The following KIAA0586 variants were observed in gnomAD, a reference collection of about 807,000 sequenced individuals.
KIAA0586 encodes the protein protein TALPID3.
KIAA0586 carries 144 observed loss-of-function variants against 169.8 expected under a neutral mutation model. The observed-to-expected ratio is 0.85, with a 90% CI of 0.74 to 0.97. KIAA0586 has a LOEUF of 0.97. KIAA0586 is among the 50% of genes least tolerant of loss of function. The pLI, the probability that KIAA0586 is intolerant of heterozygous loss-of-function variation, is 0.00. For missense variants in KIAA0586, 1,854 were observed against 1,823.0 expected (o/e 1.02, Z -0.31); for synonymous variants, 625 against 612.4 (o/e 1.02, Z -0.30).
At chr14:58,560,033 A>G in the KIAA0586 span, among the ~76,000 whole-genome samples, 1 of 151,754 alleles carries the variant, frequency 6.6e-6, no homozygotes, top group African/African-American at 2.4e-5. Context: ...CGCCTGTAAT[A>G]CCAGCTACTC....
chr14:58,456,341 A>C (rs1448546295), intron 9 of KIAA0586, among the ~76,000 whole-genome samples: 4 of 152,114 alleles, frequency 2.6e-5, no homozygotes, highest in Non-Finnish European at 5.9e-5. Flanking sequence ...CTTGATTTTG[A>C]TGATTTTTGC....
chr14:58,432,128 G>T (rs1315257262), intron 3 of KIAA0586, among the ~76,000 whole-genome samples: 1 of 152,076 alleles, frequency 6.6e-6, no homozygotes, highest in African/African-American at 2.4e-5. Context: ...GTAAGAGTGG[G>T]CATCCTTGTC....
At chr14:58,456,875 G>A (rs1291377214) in intron 10 of KIAA0586, 65 bp downstream of exon 10, 9 of 873,800 alleles carry the variant, frequency 1.0e-5, no homozygotes, top group Non-Finnish European at 1.5e-5. Context: ...GAATAAAAGA[G>A]TTATAAAGAT....
intron 20 of KIAA0586, among the ~76,000 whole-genome samples, chr14:58,479,720 CTTT>C (rs1170246106): frequency 1.3e-5 from 2 of 152,142 alleles, no homozygotes; most frequent in South Asian, 4.1e-4. Flanking sequence ...GGATCAAGTT[CTTT>C]TTTGTTTGGG....
chr14:58,532,195 A>AT (rs59075754), intron 29 of KIAA0586, among the ~76,000 whole-genome samples: 1 of 152,084 alleles, frequency 6.6e-6, no homozygotes, highest in Non-Finnish European at 1.5e-5. Context: ...GAAAAAAAAA[A>AT]GGAAAAAAAA....
intron 16 of KIAA0586, among the ~76,000 whole-genome samples, chr14:58,468,541 A>G (rs1748985): frequency 0.98 from 148,904 of 152,358 alleles, 72,849 homozygotes; most frequent in Non-Finnish European, 1. Flanking sequence ...TAATACTTCA[A>G]ACTTTACACT....
chr14:58,560,470 T>C, the KIAA0586 span, among the ~76,000 whole-genome samples: 2 of 152,218 alleles, frequency 1.3e-5, no homozygotes, highest in African/African-American at 2.4e-5. Flanking sequence ...GATGTCTTAC[T>C]TCACAGGAAA....
At chr14:58,554,900 C>G (rs1359005990), downstream of KIAA0586, among the ~76,000 whole-genome samples, 3 of 152,078 alleles carry the variant, frequency 2.0e-5, no homozygotes, top group Admixed American at 1.3e-4. Context: ...TTCAGCACCT[C>G]CATTTGTTCT....
chr14:58,526,382 G>C (rs2045585335), intron 29 of KIAA0586, among the ~76,000 whole-genome samples: 1 of 152,190 alleles, frequency 6.6e-6, no homozygotes, highest in Non-Finnish European at 1.5e-5. Context: ...AATCTTTGCT[G>C]TTTGGCAGAC....
At chr14:58,476,080 A>G (rs2041598148) in intron 19 of KIAA0586, among the ~76,000 whole-genome samples, 2 of 152,366 alleles carry the variant, frequency 1.3e-5, no homozygotes, top group South Asian at 4.1e-4. Context: ...ACTGGGCGAA[A>G]GAGTGAGATT....
chr14:58,507,707 C>G (rs1038018918), intron 27 of KIAA0586, among the ~76,000 whole-genome samples: 1 of 152,070 alleles, frequency 6.6e-6, no homozygotes, highest in African/African-American at 2.4e-5. Context: ...TACAAAGGTA[C>G]AGTGGTTAGA....
At position 58,487,021 on chromosome 14, in the gene KIAA0586, C is replaced by T; in HGVS notation, c.3159C>T (p.Thr1053=). The change falls in exon 22 of 31, where the codon ACC becomes ACT. Residue 1053 remains threonine, a synonymous_variant. Transcript: ENST00000652326. ...NETYLPARVC[T]PLPTPQPTPP... ...ATTTATTTTAGGCAAGAGTGTGCAC[C>T]CCACTGCCTACCCCACAGCCTACGC... 1 of 1,607,484 alleles carries T rather than the reference C, an allele frequency of 6.2e-7. No individual in the cohort carries two copies. The highest frequency in any genetic ancestry group is 2.2e-5 in the East Asian group (1 of 44,790).
At chr14:58,522,678 G>A (rs1249922851) in intron 29 of KIAA0586, among the ~76,000 whole-genome samples, 1 of 152,180 alleles carries the variant, frequency 6.6e-6, no homozygotes, top group Non-Finnish European at 1.5e-5. Flanking sequence ...GGGTAGTTGA[G>A]AAGAATAATT....
intron 6 of KIAA0586, among the ~76,000 whole-genome samples, chr14:58,444,770 G>T (rs577169487): frequency 1.3e-5 from 2 of 151,880 alleles, no homozygotes; most frequent in African/African-American, 4.8e-5. Context: ...GTTTACGTCA[G>T]CAGTTTTCAG....
At chr14:58,525,836 G>A (rs1347547038) in intron 29 of KIAA0586, among the ~76,000 whole-genome samples, 1 of 152,220 alleles carries the variant, frequency 6.6e-6, no homozygotes, top group Non-Finnish European at 1.5e-5. Context: ...TGCCAGCACA[G>A]CAGTCTGAAG....
chr14:58,448,446 T>C lies in KIAA0586; in HGVS notation c.914T>C (p.Leu305Pro), dbSNP rs553130671. The stretch of plus-strand genomic sequence containing the variant: ...TCCGTAAAACCAGAACACCCTAATC[T>C]TGGTAGCTGTAATCCATCTTTATAT... ...KYSVKPEHPN[L>P]GSCNPSLYNT... Residue 305 changes from leucine to proline, a missense_variant, in exon 7 of 31, where the codon CTT becomes CCT. Physicochemically the swap from Leu to Pro is moderately conservative, Grantham distance 98. Transcript: ENST00000652326. The C allele has an allele frequency of 8.9e-5, 143 of 1,612,486 alleles. No individual in the cohort carries two copies. Among genetic ancestry groups the C allele is most frequent in the Middle Eastern group, 1.7e-4 (1 of 6,056 alleles).
At chr14:58,499,238 CT>C (rs2043377038) in intron 27 of KIAA0586, among the ~76,000 whole-genome samples, 2 of 151,994 alleles carry the variant, frequency 1.3e-5, no homozygotes, top group African/African-American at 4.8e-5. Context: ...AACTGTGATA[CT>C]TTTATTTTAT....
chr14:58,537,710 T>C (rs752877482), intron 29 of KIAA0586, among the ~76,000 whole-genome samples: 52 of 151,998 alleles, frequency 3.4e-4, no homozygotes, highest in Non-Finnish European at 6.0e-4. Flanking sequence ...TGCAGTGGCG[T>C]GATCTTGGCT....
intron 20 of KIAA0586, among the ~76,000 whole-genome samples, chr14:58,480,410 A>G (rs952266628): frequency 1.3e-5 from 2 of 150,302 alleles, no homozygotes; most frequent in African/African-American, 4.9e-5. Flanking sequence ...TGCTACTTGA[A>G]TAAAATTATT....
Sources: allele counts gnomAD v4.1 joint callset (sites outside exome capture counted in the v4.1 genomes callset), GRCh38; gene constraint gnomAD v4.1.1; transcripts MANE v1.5; gene names NCBI Gene and HGNC (gene_info 2026-07-23, HGNC 2026-07-21).